The following RGPD8 variants were observed in gnomAD, a reference collection of about 807,000 sequenced individuals.
The protein encoded by RGPD8 is RANBP2 like and GRIP domain containing 8, also known as RANBP2-like and GRIP domain-containing protein 8.
RGPD8 carries 15 observed loss-of-function variants against 89.1 expected under a neutral mutation model. The ratio of observed to expected loss-of-function variants is 0.17; its 90% CI spans 0.11 to 0.26. The LOEUF is 0.26. Ranked by LOEUF, RGPD8 falls within the 10% of genes least tolerant of loss-of-function variation. The pLI, the probability that RGPD8 is intolerant of heterozygous loss-of-function variation, is 1.00. For missense variants in RGPD8, 178 were observed against 1,179.6 expected (o/e 0.15, Z 12.44); for synonymous variants, 62 against 420.9 (o/e 0.15, Z 10.44).
intron 7 of RGPD8, among the ~76,000 whole-genome samples, chr2:112,408,723 C>G (rs1679042079): frequency 6.6e-6 from 1 of 151,488 alleles, no homozygotes; most frequent in Non-Finnish European, 1.5e-5. Flanking sequence ...GGCTGGAGTG[C>G]TGCAGTGGCA....
chr2:112,431,567 G>A (rs1680035740), intron 1 of RGPD8, among the ~76,000 whole-genome samples: 1 of 151,614 alleles, frequency 6.6e-6, no homozygotes, highest in Non-Finnish European at 1.5e-5. Context: ...CGCAAAATAA[G>A]ATAACCTATG....
intron 6 of RGPD8, among the ~76,000 whole-genome samples, chr2:112,414,305 A>C (rs2104813710): frequency 8.7e-6 from 1 of 115,422 alleles, no homozygotes; most frequent in African/African-American, 3.7e-5. Context: ...GTGAAACCCC[A>C]TCTCTACTAA....
intron 22 of RGPD8, among the ~76,000 whole-genome samples, chr2:112,376,594 T>C: frequency 6.9e-6 from 1 of 145,872 alleles, no homozygotes; most frequent in Non-Finnish European, 1.5e-5. Flanking sequence ...GGCGGGCAGA[T>C]CACAAGGTCA....
chr2:112,416,088 C>CAAAAAAAAAAAA (rs1168507298), intron 6 of RGPD8, among the ~76,000 whole-genome samples: 29 of 88,896 alleles, frequency 3.3e-4, no homozygotes, highest in Non-Finnish European at 3.9e-4. Flanking sequence ...GACTCCATCT[C>CAAAAAAAAAAAA]AAAAAAAAAA....
chr2:112,373,041 T>C (rs1484039697), intron 22 of RGPD8, among the ~76,000 whole-genome samples: 1 of 146,448 alleles, frequency 6.8e-6, no homozygotes, highest in Non-Finnish European at 1.5e-5. Flanking sequence ...GAAAAATGAC[T>C]TTTACTTCCA....
Position 112,432,751 on chromosome 2 carries a change from G to A in RGPD8, c.72+631C>T, listed in dbSNP as rs1447395812. The A allele has an allele frequency of 8.1e-6, 8 of 985,280 alleles. No homozygotes were observed. In the South Asian group the frequency reaches 2.4e-4, roughly 29 times the overall value. 61.0% of individuals were successfully genotyped at this position (985,280 alleles called of 1,614,324 possible). A position where few individuals can be genotyped will look rare whatever the true frequency, so the allele number is the denominator to read the frequency against. On this transcript the variant is annotated intron_variant, in intron 1 of 22. Coordinates refer to ENST00000302558, the MANE Select transcript of RGPD8 (RefSeq NM_001164463.1). The stretch of plus-strand genomic sequence containing the variant: ...AGCCCGGGCCAGGGCGAGCCCACGA[G>A]CGAGCACCGTCGGGAACAAACCGGG...
chr2:112,428,084 C>G (rs1278362254), intron 1 of RGPD8, among the ~76,000 whole-genome samples: 1 of 152,272 alleles, frequency 6.6e-6, no homozygotes, highest in Non-Finnish European at 1.5e-5. Context: ...TTTAAGTTAC[C>G]AAGAACAAGA....
At position 112,433,557 on chromosome 2, in the gene RGPD8, G is replaced by T. The variant is rs554026456; in HGVS notation, c.-104C>A. On this transcript the variant is annotated 5_prime_UTR_variant, in exon 1 of 23. Coordinates refer to ENST00000302558, the MANE Select transcript of RGPD8 (RefSeq NM_001164463.1). ...GCCTGCAAGCCACTGAAGCAGCGGC[G>T]TAGCCGGCGGAGGCCCACTGTGACG... 3 of 1,250,468 alleles carry T rather than the reference G, an allele frequency of 2.4e-6. No homozygotes were observed. In the East Asian group the frequency reaches 7.9e-5, roughly 33 times the overall value. 77.5% of individuals were successfully genotyped at this position (1,250,468 alleles called of 1,614,324 possible). A position where few individuals can be genotyped will look rare whatever the true frequency, so the allele number is the denominator to read the frequency against.
intron 1 of RGPD8, among the ~76,000 whole-genome samples, chr2:112,426,086 T>G (rs1237643181): frequency 6.6e-6 from 1 of 151,972 alleles, no homozygotes; most frequent in African/African-American, 2.4e-5. Context: ...GTTCTTACCA[T>G]AGATCTCAGC....
intron 1 of RGPD8, among the ~76,000 whole-genome samples, chr2:112,429,415 CAAA>C (rs71412832): frequency 2.2e-5 from 1 of 45,754 alleles, no homozygotes; most frequent in Non-Finnish European, 3.9e-5. Flanking sequence ...GACTCCGTCT[CAAA>C]AAAAAAAAAA....
chr2:112,373,366 A>G (rs1334633767), intron 22 of RGPD8, among the ~76,000 whole-genome samples: 1 of 152,302 alleles, frequency 6.6e-6, no homozygotes, highest in Non-Finnish European at 1.5e-5. Context: ...CTTGAAATTT[A>G]AGTTGGGCCC....
At chr2:112,419,562 T>C (rs1347014128) in intron 4 of RGPD8, among the ~76,000 whole-genome samples, 1 of 152,208 alleles carries the variant, frequency 6.6e-6, no homozygotes, top group African/African-American at 2.4e-5. Flanking sequence ...TTACTTTGCA[T>C]GACAGTTATA....
chr2:112,370,946 T>C (rs897911641), intron 22 of RGPD8, among the ~76,000 whole-genome samples: 1 of 150,724 alleles, frequency 6.6e-6, no homozygotes, highest in Non-Finnish European at 1.5e-5. Flanking sequence ...TATACTTTGA[T>C]GTTATGAATC....
intron 1 of RGPD8, among the ~76,000 whole-genome samples, chr2:112,430,092 A>G (rs1679961899): frequency 6.6e-6 from 1 of 152,200 alleles, no homozygotes; most frequent in Non-Finnish European, 1.5e-5. Context: ...AGCACATGTG[A>G]GGGAGTAGAA....
chr2:112,423,601 C>A (rs370259051), intron 2 of RGPD8, among the ~76,000 whole-genome samples: 28 of 137,038 alleles, frequency 2.0e-4, no homozygotes, highest in African/African-American at 7.5e-4. Context: ...CTACTTGGGG[C>A]GCTGAGGTGG....
chr2:112,417,057 C>T (rs2673126), intron 6 of RGPD8, 136 bp downstream of exon 6: 36 of 1,568,398 alleles, frequency 2.3e-5, no homozygotes, highest in East Asian at 1.1e-4. Context: ...TGCCTCCTAG[C>T]GGTTCACTGT....
chr2:112,387,728 C>T (rs1003550751), intron 20 of RGPD8, among the ~76,000 whole-genome samples: 1 of 143,236 alleles, frequency 7.0e-6, no homozygotes, highest in Non-Finnish European at 1.6e-5. Context: ...TAAAAAAAGA[C>T]TCACGTTAAT....
intron 1 of RGPD8, among the ~76,000 whole-genome samples, chr2:112,429,415 C>CAAA (rs71412832): frequency 8.5e-4 from 39 of 45,618 alleles, no homozygotes; most frequent in Non-Finnish European, 9.4e-4. Flanking sequence ...GACTCCGTCT[C>CAAA]AAAAAAAAAA....
At chr2:112,415,711 T>A (rs1239088919) in intron 6 of RGPD8, among the ~76,000 whole-genome samples, 12 of 85,334 alleles carry the variant, frequency 1.4e-4, no homozygotes, top group African/African-American at 1.8e-4. Context: ...AGACTCTGTC[T>A]CAAAAAAAAA....
Sources: gnomAD v4.1 joint callset for allele counts (sites outside exome capture counted in the v4.1 genomes callset) on GRCh38, gnomAD v4.1.1 for gene constraint, MANE v1.5 for transcripts, NCBI Gene and HGNC (gene_info 2026-07-23, HGNC 2026-07-21) for gene names.